ARHGEF28: variants seen among roughly 807,000 people sequenced by gnomAD.
ARHGEF28 encodes Rho guanine nucleotide exchange factor 28.
In ARHGEF28, 152 loss-of-function variants were observed where a neutral mutation model predicts 206.6. The ratio of observed to expected loss-of-function variants is 0.74; its 90% CI spans 0.64 to 0.84. The LOEUF is 0.84. ARHGEF28 is among the 40% of genes least tolerant of loss of function. ARHGEF28 has a pLI of 0.00. For missense variants in ARHGEF28, 2,028 were observed against 2,073.2 expected (o/e 0.98, Z 0.42); for synonymous variants, 763 against 776.4 (o/e 0.98, Z 0.29).
At chr5:73,643,644 A>G (rs1225012034) in intron 1 of ARHGEF28, among the ~76,000 whole-genome samples, 4 of 152,058 alleles carry the variant, frequency 2.6e-5, no homozygotes, top group African/African-American at 7.2e-5. Context: ...GCAAAACTCC[A>G]TCTTTACAAA....
intron 33 of ARHGEF28, among the ~76,000 whole-genome samples, chr5:73,906,954 T>C (rs781495465): frequency 6.6e-6 from 1 of 152,218 alleles, no homozygotes; most frequent in Non-Finnish European, 1.5e-5. Flanking sequence ...AATTAGAAAA[T>C]AATGATATTA....
intron 1 of ARHGEF28, among the ~76,000 whole-genome samples, chr5:73,670,110 C>T (rs897682721): frequency 6.6e-6 from 1 of 152,234 alleles, no homozygotes; most frequent in African/African-American, 2.4e-5. Context: ...AAGGATCCCT[C>T]CTGTTACCCT....
At chr5:73,739,193 A>G (rs985482058) in intron 2 of ARHGEF28, among the ~76,000 whole-genome samples, 21 of 152,110 alleles carry the variant, frequency 1.4e-4, no homozygotes, top group Non-Finnish European at 2.9e-5. Context: ...AAACTTTATT[A>G]TTATAAATGT....
chr5:73,741,339 A>ATGTGTGTGTGTG (rs1469338639), intron 2 of ARHGEF28, among the ~76,000 whole-genome samples: 25 of 80,430 alleles, frequency 3.1e-4, no homozygotes, highest in Non-Finnish European at 5.0e-4. Context: ...TTTTAAATTT[A>ATGTGTGTGTGTG]TATGTGTGTG....
intron 3 of ARHGEF28, among the ~76,000 whole-genome samples, chr5:73,751,672 G>T (rs1449080694): frequency 6.6e-6 from 1 of 152,092 alleles, no homozygotes; most frequent in East Asian, 1.9e-4. Flanking sequence ...TCCTTAGGAG[G>T]AAGGTAATAT....
At chr5:73,704,274 C>T (rs1264866479) in intron 2 of ARHGEF28, among the ~76,000 whole-genome samples, 1 of 152,066 alleles carries the variant, frequency 6.6e-6, no homozygotes, top group Admixed American at 6.6e-5. Context: ...ACATCATCTA[C>T]CTGTTAGAAA....
intron 12 of ARHGEF28, among the ~76,000 whole-genome samples, chr5:73,847,366 T>A (rs531672111): frequency 3.9e-5 from 6 of 152,290 alleles, no homozygotes; most frequent in African/African-American, 1.4e-4. Flanking sequence ...TAGATGAGAT[T>A]CTGGAAGGGT....
rs7711340 is a variant in ARHGEF28, at chr5:73,773,161, G to T, written c.476-694G>T. 5.7e-3 allele frequency among the ~76,000 whole-genome samples: 861 copies of T among 152,214 alleles called. 8 individuals carry two copies. The highest frequency in any genetic ancestry group is 0.015 in the African/African-American group (635 of 41,504). On this transcript the variant is annotated intron_variant, in intron 4 of 35. Transcript: ENST00000513042. ...AATAAAATACCTCAAGGACCCCTCCGCCTGGAAGATGACAACAGAGAGCGG... is the reference window on the plus strand; with the variant it reads ...AATAAAATACCTCAAGGACCCCTCCTCCTGGAAGATGACAACAGAGAGCGG...
chr5:73,724,576 C>T (rs1445244349), intron 2 of ARHGEF28, among the ~76,000 whole-genome samples: 2 of 152,206 alleles, frequency 1.3e-5, no homozygotes, highest in African/African-American at 4.8e-5. Flanking sequence ...CCTCTAACCT[C>T]AATCCCTGTC....
intron 2 of ARHGEF28, among the ~76,000 whole-genome samples, chr5:73,741,522 C>T (rs374461341): frequency 1.1e-4 from 16 of 149,126 alleles, no homozygotes; most frequent in Admixed American, 5.4e-4. Flanking sequence ...TGGATTCAAG[C>T]GATTCTCTTT....
At chr5:73,937,243 C>T (rs376027041) in intron 35 of ARHGEF28, among the ~76,000 whole-genome samples, 2 of 152,150 alleles carry the variant, frequency 1.3e-5, no homozygotes, top group Admixed American at 1.3e-4. Context: ...TTTTTTGAAA[C>T]CATGTTAGGA....
intron 27 of ARHGEF28, 139 bp from the exon 28 acceptor site, chr5:73,893,058 G>C (rs188991724): frequency 4.8e-6 from 3 of 621,036 alleles, no homozygotes; most frequent in East Asian, 6.0e-5. Context: ...CTCTGGCCAG[G>C]GGGGATGATG....
chr5:73,651,929 T>C (rs1744860138), intron 1 of ARHGEF28, among the ~76,000 whole-genome samples: 2 of 152,214 alleles, frequency 1.3e-5, no homozygotes, highest in African/African-American at 4.8e-5. Context: ...CCAGCTACCA[T>C]GCTCTGTTGT....
At chr5:73,715,155 T>C (rs1299258270) in intron 2 of ARHGEF28, among the ~76,000 whole-genome samples, 1 of 152,128 alleles carries the variant, frequency 6.6e-6, no homozygotes, top group Non-Finnish European at 1.5e-5. Flanking sequence ...AATAAAGTAA[T>C]TGCGAGGTGG....
intron 9 of ARHGEF28, among the ~76,000 whole-genome samples, chr5:73,802,527 C>G (rs1270038018): frequency 1.3e-5 from 2 of 152,200 alleles, no homozygotes; most frequent in Middle Eastern, 3.4e-3. Context: ...TCCTTGACCC[C>G]AAATAAACCA....
chr5:73,642,967 C>T (rs777975903), intron 1 of ARHGEF28, among the ~76,000 whole-genome samples: 5 of 152,096 alleles, frequency 3.3e-5, no homozygotes, highest in Admixed American at 6.6e-5. Context: ...ATGTTGTATT[C>T]GACATGAAAT....
chr5:73,941,076 C>A lies in ARHGEF28; in HGVS notation c.*63C>A. 7.2e-7 allele frequency: 1 copy of A among 1,386,980 alleles called. No individual in the cohort carries two copies. The highest frequency in any genetic ancestry group is 9.4e-7 in the Non-Finnish European group (1 of 1,066,214). 85.9% of individuals were successfully genotyped at this position (1,386,980 alleles called of 1,614,324 possible). A position where few individuals can be genotyped will look rare whatever the true frequency, so the allele number is the denominator to read the frequency against. The stretch of plus-strand genomic sequence containing the variant: ...CACTTTTGGGAGAAACTTTTTGTCT[C>A]CATTCCTTATGTATGTGTGATTGTC... On this transcript the variant is annotated 3_prime_UTR_variant, in exon 36 of 36. Coordinates refer to ENST00000513042, the MANE Select transcript of ARHGEF28 (RefSeq NM_001177693.2).
chr5:73,857,452 C>G (rs1759116822), intron 14 of ARHGEF28, among the ~76,000 whole-genome samples: 1 of 152,084 alleles, frequency 6.6e-6, no homozygotes, highest in Non-Finnish European at 1.5e-5. Flanking sequence ...GAGATTGTTG[C>G]TCTAATCACA....
chr5:73,763,791 T>C (rs866349177), intron 4 of ARHGEF28, among the ~76,000 whole-genome samples: 4 of 152,156 alleles, frequency 2.6e-5, no homozygotes, highest in Admixed American at 1.3e-4. Context: ...ATGCCATAAT[T>C]GCTACTTACA....
Sources: gnomAD v4.1 joint callset for allele counts (sites outside exome capture counted in the v4.1 genomes callset) on GRCh38, gnomAD v4.1.1 for gene constraint, MANE v1.5 for transcripts, NCBI Gene and HGNC (gene_info 2026-07-23, HGNC 2026-07-21) for gene names.